LIPC: variants seen among roughly 807,000 people sequenced by gnomAD.
The protein encoded by LIPC is hepatic triacylglycerol lipase.
Under a neutral mutation model 50.7 loss-of-function variants are expected in LIPC, and 44 were observed. The observed-to-expected ratio is 0.87, with a 90% CI of 0.68 to 1.11. The LOEUF is 1.11. LIPC is among the 50% of genes most tolerant of loss of function. LIPC has a pLI of 0.00. For missense variants in LIPC, 697 were observed against 648.2 expected (o/e 1.08, Z -0.82); for synonymous variants, 271 against 256.4 (o/e 1.06, Z -0.54).
chr15:58,456,776 G>T (rs1894133798), intron 1 of LIPC, among the ~76,000 whole-genome samples: 1 of 152,222 alleles, frequency 6.6e-6, no homozygotes, highest in Non-Finnish European at 1.5e-5. Flanking sequence ...AAAACGAGAG[G>T]TCCTCTGTCT....
At chr15:58,557,480 G>C (rs1205963089) in intron 6 of LIPC, among the ~76,000 whole-genome samples, 1 of 130,868 alleles carries the variant, frequency 7.6e-6, no homozygotes, top group African/African-American at 2.9e-5. Flanking sequence ...CACCTCCTGG[G>C]TTCACACCAT....
chr15:58,488,356 C>T (rs1443215055), intron 1 of LIPC, among the ~76,000 whole-genome samples: 1 of 152,206 alleles, frequency 6.6e-6, no homozygotes, highest in Non-Finnish European at 1.5e-5. Flanking sequence ...GACCACTGAA[C>T]TACATGGAGG....
intron 1 of LIPC, among the ~76,000 whole-genome samples, chr15:58,451,687 T>C (rs1175924310): frequency 6.6e-6 from 1 of 152,106 alleles, no homozygotes; most frequent in African/African-American, 2.4e-5. Context: ...AGGATCCACA[T>C]GGGAGGTTCG....
chr15:58,452,915 G>T (rs1893965476), intron 1 of LIPC, among the ~76,000 whole-genome samples: 1 of 152,208 alleles, frequency 6.6e-6, no homozygotes, highest in Non-Finnish European at 1.5e-5. Context: ...GCTGCTGGTG[G>T]CCTTGGCCTG....
intron 1 of LIPC, chr15:58,435,508 A>G (rs1412172773): frequency 6.7e-6 from 1 of 148,952 alleles, no homozygotes; most frequent in Non-Finnish European, 1.5e-5. Context: ...ATAGGGGGCC[A>G]TGGGACTGGG....
intron 1 of LIPC, among the ~76,000 whole-genome samples, chr15:58,479,506 G>A (rs764975741): frequency 2.0e-5 from 3 of 152,178 alleles, no homozygotes; most frequent in South Asian, 4.1e-4. Flanking sequence ...TGCCTGGTCC[G>A]CCTACAGAGG....
chr15:58,487,954 A>T (rs1891434151), intron 1 of LIPC, among the ~76,000 whole-genome samples: 1 of 152,144 alleles, frequency 6.6e-6, no homozygotes, highest in Non-Finnish European at 1.5e-5. Context: ...GCCACTACTC[A>T]ACTCTGAGCT....
intron 1 of LIPC, among the ~76,000 whole-genome samples, chr15:58,467,733 C>A (rs1330164742): frequency 6.6e-6 from 1 of 152,220 alleles, no homozygotes; most frequent in Non-Finnish European, 1.5e-5. Flanking sequence ...CCACTCTGCT[C>A]ATATCTGAAT....
intron 1 of LIPC, among the ~76,000 whole-genome samples, chr15:58,505,696 GAC>G (rs2140846412): frequency 6.6e-6 from 1 of 152,266 alleles, no homozygotes; most frequent in Non-Finnish European, 1.5e-5. Flanking sequence ...ATCCTCAAAT[GAC>G]ACAGTTTCCA....
In LIPC at chr15:58,545,758, A is replaced by T. The variant is rs6082; in HGVS notation, c.591A>T (p.Gly197=). The stretch of plus-strand genomic sequence containing the variant: ...TCCCATTAGGGCTGGATGCCGCGGG[A>T]CCTTTGTTTGAGGGAAGTGCCCCCA... ...IGRITGLDAA[G]PLFEGSAPSN... Residue 197 remains glycine, a synonymous_variant, in exon 5 of 9, where the codon GGA becomes GGT. Transcript: ENST00000299022. 2 of 1,613,842 alleles carry T rather than the reference A, an allele frequency of 1.2e-6. No individual in the cohort carries two copies. The highest frequency in any genetic ancestry group is 1.7e-6 in the Non-Finnish European group (2 of 1,179,990).
intron 6 of LIPC, among the ~76,000 whole-genome samples, chr15:58,548,978 AC>A (rs1320081299): frequency 6.6e-6 from 1 of 152,196 alleles, no homozygotes; most frequent in Non-Finnish European, 1.5e-5. Context: ...CCATGAAAAA[AC>A]TGGATTCTAG....
chr15:58,509,542 G>C (rs1307054986), intron 1 of LIPC, among the ~76,000 whole-genome samples: 1 of 152,184 alleles, frequency 6.6e-6, no homozygotes, highest in Non-Finnish European at 1.5e-5. Context: ...TAGGTGTTCA[G>C]TAAATAAATA....
chr15:58,542,508 G>A, intron 3 of LIPC, 26 bp from the exon 4 acceptor site: 2 of 1,476,558 alleles, frequency 1.4e-6, no homozygotes, highest in South Asian at 1.1e-5. Context: ...CTCTTCTCCT[G>A]CCCCCATCCC....
At chr15:58,539,745 T>C (rs930799442) in intron 2 of LIPC, among the ~76,000 whole-genome samples, 3 of 152,278 alleles carry the variant, frequency 2.0e-5, no homozygotes, top group Admixed American at 1.3e-4. Flanking sequence ...TAACTGCTTG[T>C]ATTAATAGCT....
In LIPC at chr15:58,526,552, G is replaced by C. The variant is rs567960008; in HGVS notation, c.89-11781G>C. 5.3e-5 allele frequency among the ~76,000 whole-genome samples: 8 copies of C among 152,330 alleles called. No homozygotes were observed. In the South Asian group the frequency reaches 1.7e-3, roughly 32 times the overall value. ...GAGGCTGAAATCCTCACTCCAAGGAGGGGCCTCCTTTTCTTGGCACAAAGG... is the reference window on the plus strand; with the variant it reads ...GAGGCTGAAATCCTCACTCCAAGGACGGGCCTCCTTTTCTTGGCACAAAGG... On this transcript the variant is annotated intron_variant, in intron 1 of 8. Transcript: ENST00000299022.
chr15:58,541,770 C>G lies in LIPC; in HGVS notation c.274-15C>G. On this transcript the variant is annotated splice_polypyrimidine_tract_variant and intron_variant, in intron 2 of 8. Transcript: ENST00000299022. Reference sequence around the variant, plus strand: ...AAAGGAAACTAGTGCGACCCTCCCTCTGTCCCCTCCTCAGGTGGACGGCGT... The same window carrying G: ...AAAGGAAACTAGTGCGACCCTCCCTGTGTCCCCTCCTCAGGTGGACGGCGT... The G allele has an allele frequency of 6.2e-7, 1 of 1,612,372 alleles. No homozygotes were observed. Among genetic ancestry groups the G allele is most frequent in the South Asian group, 1.1e-5 (1 of 90,606 alleles).
chr15:58,502,688 G>A (rs1412479479), intron 1 of LIPC, among the ~76,000 whole-genome samples: 5 of 152,008 alleles, frequency 3.3e-5, no homozygotes, highest in African/African-American at 9.7e-5. Context: ...GAGAACTGGG[G>A]GAATATGTTC....
chr15:58,464,818 C>T (rs1595871147), intron 1 of LIPC, among the ~76,000 whole-genome samples: 1 of 152,138 alleles, frequency 6.6e-6, no homozygotes, highest in Non-Finnish European at 1.5e-5. Context: ...ACTAAAAATA[C>T]AAAAGTTAGC....
chr15:58,536,994 G>A (rs754474676), intron 1 of LIPC, among the ~76,000 whole-genome samples: 9 of 152,162 alleles, frequency 5.9e-5, no homozygotes, highest in Non-Finnish European at 1.2e-4. Flanking sequence ...TTCTCAGAAA[G>A]AATGATCAGG....
Sources: gnomAD v4.1 joint callset for allele counts (sites outside exome capture counted in the v4.1 genomes callset) on GRCh38, gnomAD v4.1.1 for gene constraint, MANE v1.5 for transcripts, NCBI Gene and HGNC (gene_info 2026-07-23, HGNC 2026-07-21) for gene names.